The following SEMA6D variants were observed in gnomAD, a reference collection of about 807,000 sequenced individuals.
The protein encoded by SEMA6D is semaphorin 6D.
A neutral mutation model predicts 106.6 loss-of-function variants in SEMA6D; 35 were observed. That is an observed-to-expected ratio of 0.33 (90% CI 0.25 to 0.44). The LOEUF (loss-of-function observed/expected upper bound fraction) is 0.44. Ranked by LOEUF, SEMA6D falls within the 20% of genes least tolerant of loss-of-function variation. SEMA6D has a pLI of 1.00. For synonymous variants in SEMA6D, 499 were observed against 487.7 expected, an observed-to-expected ratio of 1.02 and a Z score of -0.31; for missense variants, 1,185 against 1,345.9, an observed-to-expected ratio of 0.88 and a Z score of 1.87.
intron 1 of SEMA6D, among the ~76,000 whole-genome samples, chr15:47,331,548 G>A (rs1226279653): frequency 6.6e-6 from 1 of 152,042 alleles, no homozygotes; most frequent in Non-Finnish European, 1.5e-5. Flanking sequence ...TATATACAGT[G>A]TTATATCATT....
intron 1 of SEMA6D, among the ~76,000 whole-genome samples, chr15:47,219,860 A>G (rs539268094): frequency 3.3e-5 from 5 of 152,290 alleles, no homozygotes; most frequent in East Asian, 1.9e-4. Flanking sequence ...ATGGTCAGCT[A>G]TAGGTCAGTT....
intron 1 of SEMA6D, among the ~76,000 whole-genome samples, chr15:47,258,795 A>G (rs77159975): frequency 0.023 from 3,554 of 152,208 alleles, 96 homozygotes; most frequent in South Asian, 0.12. Flanking sequence ...TATCATATAC[A>G]TAACACTTGG....
intron 8 of SEMA6D, 60 bp downstream of exon 8, chr15:47,762,379 A>C: frequency 6.3e-7 from 1 of 1,587,712 alleles, no homozygotes; most frequent in Non-Finnish European, 8.6e-7. Context: ...AAGTGGGGAC[A>C]GCAGCCACGG....
chr15:47,524,244 C>T (rs1350363005), intron 3 of SEMA6D, among the ~76,000 whole-genome samples: 1 of 152,160 alleles, frequency 6.6e-6, no homozygotes, highest in Non-Finnish European at 1.5e-5. Context: ...AGGTTTAAGC[C>T]ATTTTATTCC....
At chr15:47,273,332 C>T (rs2034646734) in intron 1 of SEMA6D, among the ~76,000 whole-genome samples, 1 of 151,850 alleles carries the variant, frequency 6.6e-6, no homozygotes. Flanking sequence ...TCTACTCTTC[C>T]CCAACAACAT....
At chr15:47,446,360 T>C (rs940943408) in intron 2 of SEMA6D, among the ~76,000 whole-genome samples, 9 of 152,174 alleles carry the variant, frequency 5.9e-5, no homozygotes. Context: ...GTCCCAAGGA[T>C]GAATATGATT....
At chr15:47,721,124 TG>T (rs1434107073) in intron 1 of SEMA6D, among the ~76,000 whole-genome samples, 4 of 152,246 alleles carry the variant, frequency 2.6e-5, no homozygotes, top group African/African-American at 9.6e-5. Flanking sequence ...GAGCCAGATA[TG>T]TTTCTCTGTA....
chr15:47,757,003 G>A (rs1567084215), intron 1 of SEMA6D, among the ~76,000 whole-genome samples: 1 of 151,754 alleles, frequency 6.6e-6, no homozygotes, highest in African/African-American at 2.4e-5. Flanking sequence ...GTGGGGCATG[G>A]GGAGAAATTG....
At position 47,771,819 on chromosome 15, in the gene SEMA6D, C is replaced by T. The variant is rs372199058; in HGVS notation, c.*34C>T. 3.6e-5 allele frequency: 57 copies of T among 1,573,660 alleles called. No homozygotes were observed. The highest frequency in any genetic ancestry group is 4.8e-5 in the Non-Finnish European group (55 of 1,153,936). On this transcript the variant is annotated 3_prime_UTR_variant, in exon 19 of 19. Coordinates refer to ENST00000536845, the MANE Select transcript of SEMA6D (RefSeq NM_001358351.3). ...TGTGCTATTCCCATGTGGCTTTATCCTGTCCGTGTTGTTGAGAGGATGATG... is the reference window on the plus strand; with the variant it reads ...TGTGCTATTCCCATGTGGCTTTATCTTGTCCGTGTTGTTGAGAGGATGATG...
At chr15:47,270,551 G>GA (rs1373688143) in intron 1 of SEMA6D, among the ~76,000 whole-genome samples, 1 of 151,916 alleles carries the variant, frequency 6.6e-6, no homozygotes, top group Admixed American at 6.6e-5. Context: ...AATCTTAGCG[G>GA]AAAAAAATTT....
intron 3 of SEMA6D, among the ~76,000 whole-genome samples, chr15:47,525,713 C>G (rs2044733179): frequency 6.6e-6 from 1 of 152,126 alleles, no homozygotes; most frequent in Non-Finnish European, 1.5e-5. Context: ...TCAAAATGCT[C>G]TCAGAGGTCT....
At chr15:47,628,224 G>A (rs1437611937) in intron 4 of SEMA6D, among the ~76,000 whole-genome samples, 1 of 151,974 alleles carries the variant, frequency 6.6e-6, no homozygotes, top group African/African-American at 2.4e-5. Flanking sequence ...AAACTATTAT[G>A]GGCATTCATA....
chr15:47,485,923 A>G (rs553452832), intron 3 of SEMA6D, among the ~76,000 whole-genome samples: 6 of 152,190 alleles, frequency 3.9e-5, no homozygotes, highest in Non-Finnish European at 5.9e-5. Context: ...TAAGTCCACA[A>G]TATTAGACTG....
rs71432251 is a variant in SEMA6D, at chr15:47,772,357, CGT to C, written c.*605_*606del. The C allele has an allele frequency of 7.7e-3, 1,094 of 141,646 alleles. 18 individuals carry two copies. Among genetic ancestry groups the C allele is most frequent in the Admixed American group, 0.035 (489 of 14,170 alleles). The allele number at this position is 141,646 out of a possible 1,614,324, so 8.8% of individuals were successfully genotyped here. ...CACCAACAAACTTGTTGTGTGTGTG[CGT>C]GTGTGTGTGTGTGTGTGTGTGTGTG... On this transcript the variant is annotated 3_prime_UTR_variant, in exon 19 of 19. Transcript: ENST00000536845.
At chr15:47,204,910 A>T (rs866114033) in intron 1 of SEMA6D, among the ~76,000 whole-genome samples, 4 of 152,158 alleles carry the variant, frequency 2.6e-5, no homozygotes, top group African/African-American at 9.6e-5. Flanking sequence ...ATTTGAACCC[A>T]AAAAAGTTAG....
chr15:47,333,538 A>G (rs937218637), intron 1 of SEMA6D, among the ~76,000 whole-genome samples: 2 of 152,116 alleles, frequency 1.3e-5, no homozygotes, highest in Non-Finnish European at 2.9e-5. Flanking sequence ...ACCCAGAAGT[A>G]CCACCTAGAA....
In SEMA6D at chr15:47,704,628, T is replaced by C. The variant is rs1243973295; in HGVS notation, c.-54-55117T>C. Among the ~76,000 whole-genome samples the C allele has an allele frequency of 2.6e-5, 4 of 152,248 alleles. No individual in the cohort carries two copies. The East Asian group carries it at 5.8e-4, about 22-fold the overall frequency. On this transcript the variant is annotated intron_variant, in intron 4 of 19. Transcript: ENST00000558014. ...CAGGAGGCTCATGTGGGAGGACTGA[T>C]TGAGCCCAGGAGCTCAATGCTGCAG...
chr15:47,561,811 G>T (rs1566891629), intron 3 of SEMA6D, among the ~76,000 whole-genome samples: 2 of 151,604 alleles, frequency 1.3e-5, no homozygotes. Flanking sequence ...AATATATAAT[G>T]ACAAAATTGC....
At chr15:47,740,787 C>T (rs143891041) in intron 1 of SEMA6D, among the ~76,000 whole-genome samples, 1 of 152,070 alleles carries the variant, frequency 6.6e-6, no homozygotes, top group Non-Finnish European at 1.5e-5. Context: ...CCCTGCTGCA[C>T]CACTGCCTGG....
Sources: allele counts gnomAD v4.1 joint callset (sites outside exome capture counted in the v4.1 genomes callset), GRCh38; gene constraint gnomAD v4.1.1; transcripts MANE v1.5; gene names NCBI Gene and HGNC (gene_info 2026-07-23, HGNC 2026-07-21).